DUSP22: variants seen among roughly 807,000 people sequenced by gnomAD.
The protein encoded by DUSP22 is dual specificity phosphatase 22.
A neutral mutation model predicts 24.5 loss-of-function variants in DUSP22; 24 were observed. The ratio of observed to expected loss-of-function variants is 0.98; its 90% confidence interval spans 0.71 to 1.38. DUSP22 has a LOEUF of 1.38. Ranked by LOEUF, DUSP22 falls within the 40% of genes most tolerant of loss-of-function variation. The pLI, the probability that DUSP22 is intolerant of heterozygous loss-of-function variation, is 0.00. For synonymous variants in DUSP22, 160 were observed against 106.4 expected, an observed-to-expected ratio of 1.50 and a Z score of -3.10; for missense variants, 330 against 269.2, an observed-to-expected ratio of 1.23 and a Z score of -1.58.
chr6:348,481 A>C, intron 6 of DUSP22: 1 of 938,954 alleles, frequency 1.1e-6, no homozygotes, highest in Non-Finnish European at 1.6e-6. Context: ...ACCCTTTGTC[A>C]TTCTCCTTGT....
intron 1 of DUSP22, among the ~76,000 whole-genome samples, chr6:299,268 G>A (rs1757476139): frequency 6.6e-6 from 1 of 152,306 alleles, no homozygotes; most frequent in African/African-American, 2.4e-5. Context: ...CCAGGTTGTT[G>A]CAGATAAACA....
chr6:308,597 C>T (rs1169832018), intron 2 of DUSP22, among the ~76,000 whole-genome samples: 1 of 152,304 alleles, frequency 6.6e-6, no homozygotes, highest in African/African-American at 2.4e-5. Flanking sequence ...ATCAAGTGGT[C>T]TTCTCTATTC....
At chr6:345,031 T>G (rs544882919) in intron 4 of DUSP22, among the ~76,000 whole-genome samples, 11 of 152,414 alleles carry the variant, frequency 7.2e-5, no homozygotes, top group African/African-American at 2.4e-4. Flanking sequence ...GGTAACTATG[T>G]GTTTCAGGGA....
At chr6:329,045 C>T (rs1467705762) in intron 3 of DUSP22, among the ~76,000 whole-genome samples, 3 of 152,418 alleles carry the variant, frequency 2.0e-5, no homozygotes, top group African/African-American at 7.2e-5. Flanking sequence ...TGCCACGCAC[C>T]GAGCTGGGCT....
intron 4 of DUSP22, among the ~76,000 whole-genome samples, chr6:344,325 G>C (rs894203779): frequency 1.3e-5 from 2 of 152,300 alleles, no homozygotes; most frequent in African/African-American, 4.8e-5. Flanking sequence ...TCGCTGTGTC[G>C]CTCAGGCTGG....
rs1019482985 is a variant in DUSP22, at chr6:305,720, A to G, written c.55+1059A>G. Among the ~76,000 whole-genome samples, 5 of 152,300 alleles carry G rather than the reference A, an allele frequency of 3.3e-5. No homozygotes were observed. The South Asian group carries it at 1.0e-3, about 31-fold the overall frequency. ...TGAATCACTGAGATGAGGTGGGAAG[A>G]TAGAGATGAGGGGCCCTTAATAGGA... On this transcript the variant is annotated intron_variant, in intron 2 of 6. Transcript: ENST00000419235.
intron 4 of DUSP22, among the ~76,000 whole-genome samples, chr6:339,291 T>C (rs1424188719): frequency 1.3e-5 from 2 of 152,310 alleles, no homozygotes; most frequent in Non-Finnish European, 2.9e-5. Flanking sequence ...TTAACCTCTC[T>C]TCTCTCATCT....
intron 3 of DUSP22, among the ~76,000 whole-genome samples, chr6:334,391 GA>G (rs761911969): frequency 2.2e-4 from 33 of 151,890 alleles, no homozygotes; most frequent in Non-Finnish European, 3.5e-4. Context: ...CTCCGAAAGA[GA>G]AACAGCCATT....
chr6:300,963 G>A (rs1214980498), intron 1 of DUSP22, among the ~76,000 whole-genome samples: 1 of 152,306 alleles, frequency 6.6e-6, no homozygotes, highest in Non-Finnish European at 1.5e-5. Context: ...TACAGCCAGT[G>A]GACACTGAAT....
At chr6:297,975 G>A (rs1481086915) in intron 1 of DUSP22, among the ~76,000 whole-genome samples, 3 of 152,422 alleles carry the variant, frequency 2.0e-5, no homozygotes, top group East Asian at 1.9e-4. Context: ...GGAAAGACAC[G>A]AAGACCCTGC....
intron 4 of DUSP22, among the ~76,000 whole-genome samples, chr6:341,181 G>A (rs560569074): frequency 2.0e-4 from 31 of 152,416 alleles, no homozygotes; most frequent in African/African-American, 6.7e-4. Flanking sequence ...TAACGCAAGC[G>A]TGGTCCGGTC....
chr6:321,998 G>C (rs1758612181), intron 3 of DUSP22, among the ~76,000 whole-genome samples: 1 of 152,308 alleles, frequency 6.6e-6, no homozygotes, highest in Non-Finnish European at 1.5e-5. Flanking sequence ...CAGGTCCAGG[G>C]CTCAGGAGAG....
At chr6:323,430 T>C (rs1311721475) in intron 3 of DUSP22, among the ~76,000 whole-genome samples, 1 of 152,296 alleles carries the variant, frequency 6.6e-6, no homozygotes, top group East Asian at 1.9e-4. Flanking sequence ...ATGAAATGCA[T>C]GGTGAAAGTT....
intron 4 of DUSP22, among the ~76,000 whole-genome samples, chr6:343,961 C>A (rs1431216862): frequency 6.6e-6 from 1 of 152,308 alleles, no homozygotes; most frequent in Admixed American, 6.5e-5. Context: ...GCAACTTTTG[C>A]TGTTTTATAA....
At chr6:301,036 C>T (rs1010235373) in intron 1 of DUSP22, among the ~76,000 whole-genome samples, 32 of 152,298 alleles carry the variant, frequency 2.1e-4, no homozygotes, top group East Asian at 1.9e-4. Flanking sequence ...CTGCAGCCGG[C>T]GTGCAGACTT....
rs1054899923 is a variant in DUSP22 at position 305,438 on chromosome 6, C to T, written c.55+777C>T. Among the ~76,000 whole-genome samples the T allele has an allele frequency of 2.6e-5, 4 of 152,304 alleles. No homozygotes were observed. The East Asian group carries it at 7.7e-4, about 29-fold the overall frequency. On this transcript the variant is annotated intron_variant, in intron 2 of 6. Coordinates refer to ENST00000419235, the MANE Select transcript of DUSP22 (RefSeq NM_001286555.3). ...TTTTACAACTTTCATTTTTTAGTTA[C>T]TATTGAGAAATTTTCAGAAGCCTGT...
intron 5 of DUSP22, among the ~76,000 whole-genome samples, chr6:347,007 C>A (rs1166433287): frequency 2.0e-5 from 3 of 152,312 alleles, no homozygotes; most frequent in Non-Finnish European, 4.4e-5. Flanking sequence ...GATTTTTCAT[C>A]TCACTTTTTT....
intron 3 of DUSP22, among the ~76,000 whole-genome samples, chr6:320,998 A>T (rs1363512131): frequency 6.6e-6 from 1 of 152,308 alleles, no homozygotes; most frequent in Non-Finnish European, 1.5e-5. Flanking sequence ...TTAAAAATGC[A>T]TACCAGAGGC....
chr6:295,712 A>C lies in DUSP22; in HGVS notation c.21+3152A>C, dbSNP rs1338892776. ...CTACTTGGGAGGCTGAGGTGGGAGAATCACCTCAGCCCGGGAAGTCTAGGC... is the reference window on the plus strand; with the variant it reads ...CTACTTGGGAGGCTGAGGTGGGAGACTCACCTCAGCCCGGGAAGTCTAGGC... On this transcript the variant is annotated intron_variant, in intron 1 of 6. Coordinates refer to ENST00000419235, the MANE Select transcript of DUSP22 (RefSeq NM_001286555.3). 3.3e-5 allele frequency among the ~76,000 whole-genome samples: 5 copies of C among 152,184 alleles called. No individual in the cohort carries two copies. In the East Asian group the frequency reaches 7.7e-4, roughly 24 times the overall value.
Sources: allele counts gnomAD v4.1 joint callset (sites outside exome capture counted in the v4.1 genomes callset), GRCh38; gene constraint gnomAD v4.1.1; transcripts MANE v1.5; gene names NCBI Gene and HGNC (gene_info 2026-07-23, HGNC 2026-07-21).